Variants in ERN1 observed in about 807,000 individuals in gnomAD.
The protein encoded by ERN1 is serine/threonine-protein kinase/endoribonuclease IRE1.
In ERN1, 39 loss-of-function variants were observed where a neutral mutation model predicts 113.1. That is an observed-to-expected ratio of 0.34 (90% CI 0.27 to 0.45). ERN1 has a LOEUF of 0.45. ERN1 is among the 20% of genes least tolerant of loss of function. The pLI, the probability that ERN1 is intolerant of heterozygous loss-of-function variation, is 1.00. For synonymous variants in ERN1, 507 were observed against 515.9 expected, an observed-to-expected ratio of 0.98 and a Z score of 0.23; for missense variants, 976 against 1,274.8, an observed-to-expected ratio of 0.77 and a Z score of 3.57.
At position 64,093,999 on chromosome 17, in the gene ERN1, A is replaced by G. The variant is rs1914160695; in HGVS notation, c.175+4122T>C. 3.3e-5 allele frequency among the ~76,000 whole-genome samples: 5 copies of G among 152,214 alleles called. No individual in the cohort carries two copies. The South Asian group carries it at 1.0e-3, about 32-fold the overall frequency. On this transcript the variant is annotated intron_variant, in intron 2 of 21. Transcript: ENST00000433197. ...CTAAGTGTGGGGGACCAGGGATGCT[A>G]GCGGTCCTGTACAACCAAGGATTGC...
intron 17 of ERN1, among the ~76,000 whole-genome samples, chr17:64,052,504 C>CA (rs1356067190): frequency 2.3e-3 from 203 of 87,006 alleles, no homozygotes; most frequent in East Asian, 7.5e-3. Context: ...CTCTGTCACA[C>CA]AAAAAAAACA....
At chr17:64,073,490 A>T (rs1156880347) in intron 5 of ERN1, among the ~76,000 whole-genome samples, 3 of 126,868 alleles carry the variant, frequency 2.4e-5, no homozygotes, top group Non-Finnish European at 3.3e-5. Flanking sequence ...GCTAATTTTT[A>T]TTTATTTTTT....
chr17:64,084,530 G>GA (rs5821422), intron 2 of ERN1, among the ~76,000 whole-genome samples: 10 of 149,856 alleles, frequency 6.7e-5, no homozygotes, highest in East Asian at 3.9e-4. Context: ...CATCAGTAAG[G>GA]AAAAAAAAAA....
At chr17:64,068,439 G>A in intron 6 of ERN1, 148 bp from the exon 7 acceptor site, 1 of 633,092 alleles carries the variant, frequency 1.6e-6, no homozygotes, top group Non-Finnish European at 2.8e-6. Flanking sequence ...GAAAGGCAAT[G>A]TGAGGAGAAC....
intron 1 of ERN1, among the ~76,000 whole-genome samples, chr17:64,108,275 G>A (rs1295372606): frequency 1.3e-5 from 2 of 151,972 alleles, no homozygotes; most frequent in African/African-American, 4.8e-5. Context: ...TTTCATAATA[G>A]GTGAATACAG....
chr17:64,126,948 T>C (rs1480826081), intron 1 of ERN1, among the ~76,000 whole-genome samples: 1 of 152,148 alleles, frequency 6.6e-6, no homozygotes, highest in Non-Finnish European at 1.5e-5. Context: ...TTGCCTCACA[T>C]TGTACTGATC....
intron 19 of ERN1, 116 bp downstream of exon 19, chr17:64,047,742 T>G: frequency 1.2e-6 from 1 of 846,836 alleles, no homozygotes; most frequent in Non-Finnish European, 1.7e-6. Flanking sequence ...CAGCCATGAT[T>G]ATCTTCCAGT....
intron 1 of ERN1, chr17:64,102,893 G>A: frequency 2.0e-6 from 2 of 984,762 alleles, no homozygotes; most frequent in Non-Finnish European, 2.4e-6. Context: ...ACTAGTAGTT[G>A]GGAGGTTAAA....
chr17:64,065,666 G>A (rs1011410588), intron 8 of ERN1, among the ~76,000 whole-genome samples: 1 of 150,388 alleles, frequency 6.6e-6, no homozygotes, highest in South Asian at 2.1e-4. Flanking sequence ...TCACTCCAGC[G>A]ATCACTCCAG....
At chr17:64,118,605 CAG>C (rs1914872235) in intron 1 of ERN1, among the ~76,000 whole-genome samples, 2 of 152,164 alleles carry the variant, frequency 1.3e-5, no homozygotes, top group Admixed American at 1.3e-4. Flanking sequence ...TTGGTTCCAG[CAG>C]AGTTTTGGAT....
chr17:64,056,873 C>T (rs747728024), intron 12 of ERN1, among the ~76,000 whole-genome samples: 16 of 152,112 alleles, frequency 1.1e-4, no homozygotes, highest in South Asian at 2.1e-4. Flanking sequence ...CAGGTGCAGA[C>T]GTGCCAGTGG....
chr17:64,097,895 A>C, intron 2 of ERN1: 1 of 520,810 alleles, frequency 1.9e-6, no homozygotes, highest in Non-Finnish European at 3.4e-6. Context: ...CAGAAGCAAA[A>C]AAGAAGATAA....
intron 1 of ERN1, among the ~76,000 whole-genome samples, chr17:64,124,372 G>C (rs1472011590): frequency 3.3e-5 from 5 of 152,234 alleles, no homozygotes; most frequent in Non-Finnish European, 7.3e-5. Flanking sequence ...ATGGATGGAT[G>C]ATATGGTTTG....
intron 2 of ERN1, among the ~76,000 whole-genome samples, chr17:64,092,331 A>G (rs1370285461): frequency 6.6e-6 from 1 of 152,074 alleles, no homozygotes; most frequent in East Asian, 1.9e-4. Context: ...CACAGGGAGG[A>G]ACTGTGGCAA....
At chr17:64,056,798 T>C (rs1399175027) in intron 12 of ERN1, among the ~76,000 whole-genome samples, 2 of 152,214 alleles carry the variant, frequency 1.3e-5, no homozygotes, top group Non-Finnish European at 2.9e-5. Flanking sequence ...TACTTCCTTC[T>C]TTTGTGGACA....
chr17:64,074,818 T>C (rs992401812), intron 5 of ERN1, among the ~76,000 whole-genome samples: 1 of 152,246 alleles, frequency 6.6e-6, no homozygotes, highest in Non-Finnish European at 1.5e-5. Context: ...GAAAGCGCTA[T>C]AATTAACAGG....
chr17:64,055,757 G>T lies in ERN1; in HGVS notation c.1590C>A (p.Pro530=). The T allele has an allele frequency of 6.2e-7, 1 of 1,610,546 alleles. No homozygotes were observed. The highest frequency in any genetic ancestry group is 1.1e-5 in the South Asian group (1 of 90,476). The change falls in exon 13 of 22, where the codon CCC becomes CCA. Residue 530 remains proline, a synonymous_variant. Transcript: ENST00000433197. ...AGCAGAGCGAGTGGTTGGAGGCCCT[G>T]GGGGACGTGCTGGGGCTGCTGGTGC... ...SSGTSSPSTS[P]RASNHSLCSG...
intron 4 of ERN1, 40 bp from the exon 5 acceptor site, chr17:64,075,287 GT>G: frequency 6.9e-7 from 1 of 1,444,322 alleles, no homozygotes; most frequent in Non-Finnish European, 9.2e-7. Flanking sequence ...AGTTAACCAA[GT>G]CTTGTGCAAT....
chr17:64,116,241 C>T (rs1401734213), intron 1 of ERN1, among the ~76,000 whole-genome samples: 2 of 152,114 alleles, frequency 1.3e-5, no homozygotes, highest in African/African-American at 4.8e-5. Context: ...CTTCTGCCAA[C>T]CACAAATCAG....
Sources: gnomAD v4.1 joint callset for allele counts (sites outside exome capture counted in the v4.1 genomes callset) on GRCh38, gnomAD v4.1.1 for gene constraint, MANE v1.5 for transcripts, NCBI Gene and HGNC (gene_info 2026-07-23, HGNC 2026-07-21) for gene names.